VASN: variants seen among roughly 807,000 people sequenced by gnomAD.
VASN encodes the protein protein slit-like 2.
Under a neutral mutation model 4.8 loss-of-function variants are expected in VASN, and 5 were observed. The ratio of observed to expected loss-of-function variants is 1.03; its 90% CI spans 0.54 to 2.17. The LOEUF (loss-of-function observed/expected upper bound fraction) is 2.17. Among genes scored for constraint, VASN ranks in the 30% most tolerant of loss-of-function variants. The pLI is 0.01. For missense variants in VASN, 927 were observed against 948.8 expected (o/e 0.98, Z 0.30); for synonymous variants, 499 against 460.8 (o/e 1.08, Z -1.06).
At chr16:4,375,740 G>A (rs1176002717) in intron 1 of VASN, among the ~76,000 whole-genome samples, 7 of 152,184 alleles carry the variant, frequency 4.6e-5, no homozygotes, top group Non-Finnish European at 4.4e-5. Flanking sequence ...GTCCTACCTC[G>A]GCCTCCCAAA....
intron 1 of VASN, among the ~76,000 whole-genome samples, chr16:4,373,997 G>C (rs2054625214): frequency 6.6e-6 from 1 of 152,174 alleles, no homozygotes; most frequent in Non-Finnish European, 1.5e-5. Context: ...CCCTGGGCTG[G>C]GGAGCCCAAG....
Position 4,382,073 on chromosome 16 carries a change from C to T in VASN, c.1196C>T (p.Thr399Ile), listed in dbSNP as rs768518491. Residue 399 changes from threonine to isoleucine, a missense_variant, in exon 2 of 2, where the codon ACT becomes ATT. Physicochemically the swap from Thr to Ile is moderately conservative, Grantham distance 89. Transcript: ENST00000304735. ...AGCCCGCCCTCCACTGCCCCACCGA[C>T]TGTAGGGCCTGTCCCCCAGCCCCAG... ...APSPPSTAPP[T>I]VGPVPQPQDC... 1 of 1,586,176 alleles carries T rather than the reference C, an allele frequency of 6.3e-7. No homozygotes were observed. Among genetic ancestry groups the T allele is most frequent in the Non-Finnish European group, 8.6e-7 (1 of 1,168,314 alleles).
chr16:4,373,368 G>A lies in VASN; in HGVS notation c.-10+1375G>A, dbSNP rs552819108. ...CACTGCCTGTCCCCACCCCGCCCCT[G>A]TCTCCTGCACGTTGGAACAGCTGTC... On this transcript the variant is annotated intron_variant, in intron 1 of 1. Coordinates refer to ENST00000304735, the MANE Select transcript of VASN (RefSeq NM_138440.3). Among the ~76,000 whole-genome samples, 503 of 152,226 alleles carry A rather than the reference G, an allele frequency of 3.3e-3. 2 individuals are homozygous for A. Among genetic ancestry groups the A allele is most frequent in the Middle Eastern group, 0.031 (9 of 294 alleles).
rs116785941 is a variant in VASN at position 4,382,180 on chromosome 16, G to A, written c.1303G>A (p.Gly435Ser). The change falls in exon 2 of 2, where the codon GGC becomes AGC. Residue 435 changes from glycine (G) to serine (S), a missense_variant. By Grantham distance (56) the Gly-to-Ser change is moderately conservative (BLOSUM62 0). Coordinates refer to ENST00000304735, the MANE Select transcript of VASN (RefSeq NM_138440.3). ...RHHLACLCPE[G>S]FTGLYCESQM... ...CCACCTGGCGTGCTTGTGCCCCGAA[G>A]GCTTCACGGGCCTGTACTGTGAGAG... 969 of 1,597,838 alleles carry A rather than the reference G, an allele frequency of 6.1e-4. 9 individuals are homozygous for A. The African/African-American group carries it at 0.011, about 18-fold the overall frequency.
intron 1 of VASN, among the ~76,000 whole-genome samples, chr16:4,374,353 TGAG>T (rs1309241496): frequency 6.6e-6 from 1 of 151,340 alleles, no homozygotes; most frequent in Non-Finnish European, 1.5e-5. Flanking sequence ...TCCCTGGGTG[TGAG>T]GAGGCTGGAG....
In VASN at chr16:4,381,319, G is replaced by A. The variant is rs772931134; in HGVS notation, c.442G>A (p.Asp148Asn). ...HIQPGAFDTL[D>N]RLLELKLQDN... ...CCAGCCTGGTGCCTTCGACACGCTC[G>A]ACCGCCTCCTGGAGCTCAAGCTGCA... is the stretch of plus-strand genomic sequence containing the variant. Residue 148 changes from aspartate to asparagine, a missense_variant, in exon 2 of 2, where the codon GAC (aspartate) becomes AAC (asparagine). Coordinates refer to ENST00000304735, the MANE Select transcript of VASN (RefSeq NM_138440.3). 25 of 1,611,260 alleles carry A rather than the reference G, an allele frequency of 1.6e-5. No homozygotes were observed. The highest frequency in any genetic ancestry group is 2.0e-5 in the Non-Finnish European group (23 of 1,179,432).
chr16:4,375,956 T>G (rs911616964), intron 1 of VASN, among the ~76,000 whole-genome samples: 1 of 152,156 alleles, frequency 6.6e-6, no homozygotes, highest in Non-Finnish European at 1.5e-5. Flanking sequence ...ACAAAGCGTG[T>G]GAGTGCCTGA....
At chr16:4,378,868 G>A (rs2054848131) in intron 1 of VASN, among the ~76,000 whole-genome samples, 1 of 152,054 alleles carries the variant, frequency 6.6e-6, no homozygotes, top group African/African-American at 2.4e-5. Flanking sequence ...GGTGCTTGTT[G>A]TCGCTAACTG....
At chr16:4,379,880 T>TAAA (rs34020450) in intron 1 of VASN, among the ~76,000 whole-genome samples, 4 of 109,178 alleles carry the variant, frequency 3.7e-5, no homozygotes, top group Non-Finnish European at 5.4e-5. Context: ...CTGTCTCTAC[T>TAAA]AAAAAAAAAA....
In VASN at chr16:4,382,612, G is replaced by T; in HGVS notation, c.1735G>T (p.Ala579Ser). ...AREGNLPLLIAPALAAVLLAA... is the reference protein window; with the variant it reads ...AREGNLPLLISPALAAVLLAA... ...CGAGGGCAACCTGCCGCTCCTCATTGCGCCCGCCCTGGCCGCGGTGCTCCT... is the reference window on the plus strand; with the variant it reads ...CGAGGGCAACCTGCCGCTCCTCATTTCGCCCGCCCTGGCCGCGGTGCTCCT... The change falls in exon 2 of 2, where the codon GCG (alanine) becomes TCG (serine). Residue 579 changes from alanine to serine, a missense_variant. Coordinates refer to ENST00000304735, the MANE Select transcript of VASN (RefSeq NM_138440.3). 3 of 1,586,204 alleles carry T rather than the reference G, an allele frequency of 1.9e-6. No individual in the cohort carries two copies. The highest frequency in any genetic ancestry group is 1.7e-6 in the Non-Finnish European group (2 of 1,167,832).
At chr16:4,377,644 G>A (rs571140332) in intron 1 of VASN, among the ~76,000 whole-genome samples, 23 of 152,150 alleles carry the variant, frequency 1.5e-4, no homozygotes, top group Admixed American at 4.6e-4. Flanking sequence ...GCCTTCCCTC[G>A]CTGGGTTCCT....
intron 1 of VASN, among the ~76,000 whole-genome samples, chr16:4,372,504 G>A (rs960075243): frequency 6.6e-6 from 1 of 152,186 alleles, no homozygotes; most frequent in Non-Finnish European, 1.5e-5. Flanking sequence ...TGGCTGGTGG[G>A]CGTCCGATGC....
rs745682021 is a variant in VASN at position 4,381,518 on chromosome 16, G to A, written c.641G>A (p.Arg214His). ...CAGCTGGACGAGGGGCTCTTCAGCCGCTTGCGCAACCTCCACGACCTGGAT... is the reference window on the plus strand; with the variant it reads ...CAGCTGGACGAGGGGCTCTTCAGCCACTTGCGCAACCTCCACGACCTGGAT... ...LQQLDEGLFS[R>H]LRNLHDLDVS... Residue 214 changes from arginine (R) to histidine (H), a missense_variant, in exon 2 of 2, where the codon CGC becomes CAC. Arg to His is a conservative substitution (Grantham distance 29). Coordinates refer to ENST00000304735, the MANE Select transcript of VASN (RefSeq NM_138440.3). The A allele has an allele frequency of 6.6e-5, 105 of 1,599,074 alleles. No homozygotes were observed. Among genetic ancestry groups the A allele is most frequent in the Non-Finnish European group, 8.1e-5 (95 of 1,174,188 alleles).
chr16:4,381,723 C>A lies in VASN; in HGVS notation c.846C>A (p.Asp282Glu). 6.2e-7 allele frequency: 1 copy of A among 1,606,162 alleles called. No individual in the cohort carries two copies. Among genetic ancestry groups the A allele is most frequent in the Non-Finnish European group, 8.5e-7 (1 of 1,179,442 alleles). Residue 282 changes from aspartate to glutamate, a missense_variant, in exon 2 of 2, where the codon GAC (aspartate) becomes GAA (glutamate). By Grantham distance (45) the Asp-to-Glu change is conservative (BLOSUM62 2). Coordinates refer to ENST00000304735, the MANE Select transcript of VASN (RefSeq NM_138440.3). The stretch of plus-strand genomic sequence containing the variant: ...TAAGCCTGCAGGCCCTGCCTGGCGA[C>A]CTCTCGGGCCTCTTCCCCCGCCTGC... Reference protein sequence around the residue: ...SNLSLQALPGDLSGLFPRLRL... With the variant: ...SNLSLQALPGELSGLFPRLRL...
chr16:4,381,126 G>A lies in VASN; in HGVS notation c.249G>A (p.Leu83=). 2 of 1,610,244 alleles carry A rather than the reference G, an allele frequency of 1.2e-6. No individual in the cohort carries two copies. Among genetic ancestry groups the A allele is most frequent in the Non-Finnish European group, 1.7e-6 (2 of 1,178,908 alleles). Residue 83 remains leucine (L), a synonymous_variant, in exon 2 of 2, where the codon CTG becomes CTA. Coordinates refer to ENST00000304735, the MANE Select transcript of VASN (RefSeq NM_138440.3). ...AGLPGLQLLD[L]SQNQIASLPS... is the part of the protein sequence containing the mutation. ...TGCCGGGCCTGCAGCTCCTGGACCTGTCACAGAACCAGATCGCCAGCCTGC... is the reference window on the plus strand; with the variant it reads ...TGCCGGGCCTGCAGCTCCTGGACCTATCACAGAACCAGATCGCCAGCCTGC...
chr16:4,374,168 G>A (rs1596295551), intron 1 of VASN, among the ~76,000 whole-genome samples: 1 of 151,516 alleles, frequency 6.6e-6, no homozygotes, highest in East Asian at 1.9e-4. Context: ...GCGCGTGACT[G>A]GAGCAGGGCT....
chr16:4,379,880 T>TAAAAAAAAAA (rs34020450), intron 1 of VASN, among the ~76,000 whole-genome samples: 2 of 109,202 alleles, frequency 1.8e-5, no homozygotes, highest in African/African-American at 3.7e-5. Context: ...CTGTCTCTAC[T>TAAAAAAAAAA]AAAAAAAAAA....
At chr16:4,380,325 A>G (rs1436423182) in intron 1 of VASN, among the ~76,000 whole-genome samples, 2 of 152,200 alleles carry the variant, frequency 1.3e-5, no homozygotes, top group African/African-American at 2.4e-5. Context: ...TGACTGCCCA[A>G]GTGGAAAAAC....
At chr16:4,379,650 C>T (rs1194343267) in intron 1 of VASN, among the ~76,000 whole-genome samples, 1 of 152,052 alleles carries the variant, frequency 6.6e-6, no homozygotes, top group Non-Finnish European at 1.5e-5. Context: ...CTTCGTCCTT[C>T]CCACTTCGCT....
Sources: allele counts gnomAD v4.1 joint callset (sites outside exome capture counted in the v4.1 genomes callset), GRCh38; gene constraint gnomAD v4.1.1; transcripts MANE v1.5; gene names NCBI Gene and HGNC (gene_info 2026-07-23, HGNC 2026-07-21).